Variants in GAS2 observed in about 807,000 individuals in gnomAD.
GAS2 encodes the protein growth arrest-specific protein 2.
In GAS2, 20 loss-of-function variants were observed where a neutral mutation model predicts 37.5. The observed-to-expected ratio is 0.53, with a 90% CI of 0.37 to 0.77. The LOEUF is 0.77. Among genes scored for constraint, GAS2 ranks in the 30% least tolerant of loss-of-function variants. GAS2 has a pLI of 0.00. For synonymous variants in GAS2, 144 were observed against 132.2 expected (o/e 1.09, Z -0.61); for missense variants, 336 against 373.4 (o/e 0.90, Z 0.82).
At chr11:22,728,444 A>G (rs1852314755) in intron 4 of GAS2, among the ~76,000 whole-genome samples, 1 of 151,896 alleles carries the variant, frequency 6.6e-6, no homozygotes, top group African/African-American at 2.4e-5. Flanking sequence ...AACAAATAAA[A>G]TTATGTCAGG....
chr11:22,640,893 G>A (rs1411561655), intron 1 of GAS2, among the ~76,000 whole-genome samples: 1 of 152,098 alleles, frequency 6.6e-6, no homozygotes. Context: ...GCAAAAGAAA[G>A]GGCATTGTAA....
chr11:22,647,029 G>A lies in GAS2; in HGVS notation c.-21+21216G>A, dbSNP rs979259092. Among the ~76,000 whole-genome samples the A allele has an allele frequency of 3.3e-4, 49 of 150,460 alleles. 2 individuals are homozygous for A. Among genetic ancestry groups the A allele is most frequent in the Admixed American group, 2.8e-3 (43 of 15,090 alleles). On this transcript the variant is annotated intron_variant, in intron 1 of 5. Transcript: ENST00000528582. Reference sequence around the variant, plus strand: ...GCTGGTGCACTGCACCCACTAACTCGTCATCTAGCATTAGGTATATCTCCC... The same window carrying A: ...GCTGGTGCACTGCACCCACTAACTCATCATCTAGCATTAGGTATATCTCCC...
rs1372134811 is a variant in GAS2 at position 22,786,028 on chromosome 11, A to C, written c.724-25770A>C. ...CTAAAGGACTTAGTTTTCTAAGGGG[A>C]GTTTTGGTTAAAATCCAAAGCAAAC... On this transcript the variant is annotated intron_variant, in intron 7 of 7. Coordinates refer to ENST00000454584, the MANE Select transcript of GAS2 (RefSeq NM_001143830.3). Among the ~76,000 whole-genome samples the C allele has an allele frequency of 2.0e-5, 3 of 152,116 alleles. No homozygotes were observed. In the East Asian group the frequency reaches 5.8e-4, roughly 29 times the overall value.
intron 1 of GAS2, among the ~76,000 whole-genome samples, chr11:22,641,920 A>G (rs900029354): frequency 6.6e-6 from 1 of 152,220 alleles, no homozygotes; most frequent in Admixed American, 6.5e-5. Flanking sequence ...TGAAAAATAT[A>G]TGACAGAACA....
intron 7 of GAS2, among the ~76,000 whole-genome samples, chr11:22,779,174 T>C (rs1163806067): frequency 6.6e-6 from 1 of 152,130 alleles, no homozygotes; most frequent in Non-Finnish European, 1.5e-5. Flanking sequence ...AAAAAAATTC[T>C]GAAAAATGGG....
At chr11:22,734,706 A>G (rs1002450519) in intron 4 of GAS2, among the ~76,000 whole-genome samples, 1 of 151,816 alleles carries the variant, frequency 6.6e-6, no homozygotes, top group Non-Finnish European at 1.5e-5. Flanking sequence ...CAAAAATATT[A>G]TGAGGTGGGC....
chr11:22,710,999 C>T (rs1286117900), intron 3 of GAS2, among the ~76,000 whole-genome samples: 2 of 152,152 alleles, frequency 1.3e-5, no homozygotes, highest in Non-Finnish European at 2.9e-5. Flanking sequence ...CTTAGATGGA[C>T]AGAACAGTGT....
At chr11:22,789,295 T>C (rs565701131) in intron 7 of GAS2, among the ~76,000 whole-genome samples, 1 of 102,908 alleles carries the variant, frequency 9.7e-6, no homozygotes, top group East Asian at 2.8e-4. Context: ...TATATATATA[T>C]ATATATATAC....
chr11:22,631,502 G>T (rs1307070531), intron 1 of GAS2, among the ~76,000 whole-genome samples: 2 of 151,992 alleles, frequency 1.3e-5, no homozygotes, highest in Non-Finnish European at 2.9e-5. Context: ...TTTCCTCTGT[G>T]CTTAGTTTGT....
At chr11:22,698,357 T>A in intron 3 of GAS2, among the ~76,000 whole-genome samples, 1 of 152,076 alleles carries the variant, frequency 6.6e-6, no homozygotes, top group Admixed American at 6.6e-5. Flanking sequence ...TAACAGGCTC[T>A]GAAATTGTGG....
At position 22,812,234 on chromosome 11, in the gene GAS2, C is replaced by G. The variant is rs1317240961; in HGVS notation, c.*218C>G. 5 of 488,500 alleles carry G rather than the reference C, an allele frequency of 1.0e-5. No homozygotes were observed. The highest frequency in any genetic ancestry group is 9.7e-5 in the African/African-American group (5 of 51,608). The allele number at this position is 488,500 out of a possible 1,614,324, so 30.3% of individuals were successfully genotyped here. On this transcript the variant is annotated 3_prime_UTR_variant, in exon 8 of 8. Transcript: ENST00000454584. The stretch of plus-strand genomic sequence containing the variant: ...AAATCTAAACTCAAATTTAAATTAT[C>G]CAAATTTTAGGCAAATTATTATTTC...
intron 3 of GAS2, among the ~76,000 whole-genome samples, chr11:22,720,824 G>C (rs1851913585): frequency 6.6e-6 from 1 of 151,982 alleles, no homozygotes. Flanking sequence ...TAAATTTTCA[G>C]TTCGCACAAT....
intron 1 of GAS2, among the ~76,000 whole-genome samples, chr11:22,638,693 G>T (rs1274997426): frequency 1.3e-5 from 2 of 152,130 alleles, no homozygotes; most frequent in Non-Finnish European, 2.9e-5. Flanking sequence ...CTATGCAACT[G>T]ATGGACCAAT....
intron 3 of GAS2, among the ~76,000 whole-genome samples, chr11:22,717,879 A>G (rs1410144232): frequency 1.3e-5 from 2 of 152,208 alleles, no homozygotes; most frequent in Non-Finnish European, 2.9e-5. Flanking sequence ...AATGCTCAAC[A>G]TCACTAATTA....
intron 7 of GAS2, among the ~76,000 whole-genome samples, chr11:22,776,632 T>A (rs1855274032): frequency 6.6e-6 from 1 of 152,146 alleles, no homozygotes; most frequent in African/African-American, 2.4e-5. Context: ...GCTAAGAAAA[T>A]TAAGTTACAT....
intron 3 of GAS2, among the ~76,000 whole-genome samples, chr11:22,710,736 A>G (rs1198471218): frequency 6.6e-6 from 1 of 152,092 alleles, no homozygotes; most frequent in Non-Finnish European, 1.5e-5. Context: ...TCCATTTTGT[A>G]TGTCACTTTT....
intron 7 of GAS2, among the ~76,000 whole-genome samples, chr11:22,789,048 T>C (rs4643075): frequency 0.96 from 144,825 of 151,350 alleles, 69,591 homozygotes; most frequent in East Asian, 1. Flanking sequence ...ATGATTTACC[T>C]ATAATTTCCC....
At chr11:22,709,516 G>T (rs568486209) in intron 3 of GAS2, among the ~76,000 whole-genome samples, 1 of 152,244 alleles carries the variant, frequency 6.6e-6, no homozygotes, top group East Asian at 1.9e-4. Flanking sequence ...CAGTTCGAAA[G>T]GTTAATTAGA....
intron 1 of GAS2, among the ~76,000 whole-genome samples, chr11:22,628,320 TAC>T (rs1404743755): frequency 6.6e-6 from 1 of 152,208 alleles, no homozygotes; most frequent in Non-Finnish European, 1.5e-5. Context: ...AGAGGACTGA[TAC>T]TTGATTTAGG....
Sources: gnomAD v4.1 joint callset for allele counts (sites outside exome capture counted in the v4.1 genomes callset) on GRCh38, gnomAD v4.1.1 for gene constraint, MANE v1.5 for transcripts, NCBI Gene and HGNC (gene_info 2026-07-23, HGNC 2026-07-21) for gene names.